Variants in LUZP2 observed in about 807,000 individuals in gnomAD.
LUZP2 encodes the protein leucine zipper protein 2.
LUZP2 carries 52 observed loss-of-function variants against 51.6 expected under a neutral mutation model. That is an observed-to-expected ratio of 1.01 (90% confidence interval 0.81 to 1.27). The LOEUF is 1.27. Ranked by LOEUF, LUZP2 falls within the 50% of genes most tolerant of loss-of-function variation. The pLI, the probability that LUZP2 is intolerant of heterozygous loss-of-function variation, is 0.00. For synonymous variants in LUZP2, 154 were observed against 137.3 expected (o/e 1.12, Z -0.85); for missense variants, 436 against 395.4 (o/e 1.10, Z -0.87).
intron 7 of LUZP2, among the ~76,000 whole-genome samples, chr11:24,951,956 G>A (rs1259901567): frequency 2.0e-5 from 3 of 151,500 alleles, no homozygotes; most frequent in Non-Finnish European, 3.0e-5. Flanking sequence ...ATCACAATTT[G>A]CCTATTGACT....
At chr11:24,574,221 T>A (rs1241183783) in intron 1 of LUZP2, among the ~76,000 whole-genome samples, 1 of 2,660 alleles carries the variant, frequency 3.8e-4, no homozygotes, top group Non-Finnish European at 3.5e-3. Context: ...CCTTTCTTTC[T>A]TTCTTTCTTT....
At chr11:24,627,197 A>C (rs951605743) in intron 1 of LUZP2, among the ~76,000 whole-genome samples, 1 of 152,230 alleles carries the variant, frequency 6.6e-6, no homozygotes, top group African/African-American at 2.4e-5. Flanking sequence ...TGGGAAATAC[A>C]CTTTGGAATT....
intron 5 of LUZP2, among the ~76,000 whole-genome samples, chr11:24,858,441 G>C (rs538875977): frequency 4.2e-4 from 64 of 152,100 alleles, no homozygotes; most frequent in Admixed American, 1.9e-3. Flanking sequence ...GGACACAGTT[G>C]TTCTTCTTTC....
At chr11:24,597,658 T>C (rs139500881) in intron 1 of LUZP2, among the ~76,000 whole-genome samples, 365 of 152,342 alleles carry the variant, frequency 2.4e-3, no homozygotes, top group African/African-American at 8.3e-3. Flanking sequence ...TTAGATCCTA[T>C]GATAAATAAA....
chr11:25,067,550 T>G (rs1395311362), intron 10 of LUZP2, among the ~76,000 whole-genome samples: 1 of 152,000 alleles, frequency 6.6e-6, no homozygotes, highest in Non-Finnish European at 1.5e-5. Context: ...AAGACATTTA[T>G]GTGGCCAAGA....
chr11:24,840,526 A>C (rs2716509), intron 5 of LUZP2, among the ~76,000 whole-genome samples: 140,834 of 151,852 alleles, frequency 0.93, 66,006 homozygotes, highest in East Asian at 1. Context: ...TCAGTCCTGT[A>C]TGACCAAAGA....
intron 1 of LUZP2, among the ~76,000 whole-genome samples, chr11:24,589,538 G>A (rs1300844659): frequency 6.6e-6 from 1 of 152,114 alleles, no homozygotes; most frequent in Non-Finnish European, 1.5e-5. Context: ...TGCTAAGGCA[G>A]ATTCTAGCAG....
chr11:24,562,698 A>G (rs7117881), intron 1 of LUZP2, among the ~76,000 whole-genome samples: 1 of 110,742 alleles, frequency 9.0e-6, no homozygotes, highest in Non-Finnish European at 1.9e-5. Context: ...CTGAAAAAAT[A>G]CAAAAAAAAA....
intron 7 of LUZP2, among the ~76,000 whole-genome samples, chr11:24,943,231 A>G (rs796475870): frequency 2.0e-5 from 3 of 152,260 alleles, no homozygotes; most frequent in African/African-American, 7.2e-5. Flanking sequence ...AAATTTTTCA[A>G]CTTCAGGGTT....
intron 1 of LUZP2, among the ~76,000 whole-genome samples, chr11:24,511,454 TTTCAGC>T (rs1468587061): frequency 1.3e-5 from 2 of 152,144 alleles, no homozygotes; most frequent in Non-Finnish European, 2.9e-5. Flanking sequence ...AGAATCACTA[TTTCAGC>T]TTACAGGGAT....
rs574351992 is a variant in LUZP2 at position 24,545,196 on chromosome 11, A to G, written c.62+47891A>G. The stretch of plus-strand genomic sequence containing the variant: ...TAGATTAGGTCTTTGCCAGATGCAT[A>G]CTTTGCAAATATTTTCTCACATTTT... On this transcript the variant is annotated intron_variant, in intron 1 of 11. Coordinates refer to ENST00000336930, the MANE Select transcript of LUZP2 (RefSeq NM_001009909.4). Among the ~76,000 whole-genome samples the G allele has an allele frequency of 7.4e-5, 11 of 148,728 alleles. No homozygotes were observed. In the South Asian group the frequency reaches 2.3e-3, roughly 32 times the overall value.
intron 3 of LUZP2, among the ~76,000 whole-genome samples, chr11:24,733,374 G>C (rs1014214827): frequency 2.0e-5 from 3 of 151,708 alleles, no homozygotes; most frequent in Admixed American, 6.6e-5. Context: ...AGTATTTGTG[G>C]CTCTGTGAAG....
At chr11:24,991,519 T>G (rs1856343884) in intron 9 of LUZP2, among the ~76,000 whole-genome samples, 2 of 151,490 alleles carry the variant, frequency 1.3e-5, no homozygotes. Context: ...CAAATTGTTC[T>G]TCTATAAATA....
chr11:24,567,524 T>A (rs1852285160), intron 1 of LUZP2, among the ~76,000 whole-genome samples: 1 of 152,126 alleles, frequency 6.6e-6, no homozygotes, highest in Middle Eastern at 3.4e-3. Context: ...CAAAGCCAGA[T>A]ACACCATAGT....
At chr11:24,640,093 T>C (rs1855229532) in intron 1 of LUZP2, among the ~76,000 whole-genome samples, 1 of 151,918 alleles carries the variant, frequency 6.6e-6, no homozygotes, top group African/African-American at 2.4e-5. Flanking sequence ...AAGTTATCTT[T>C]TTGACATCTG....
In LUZP2 at chr11:24,943,135, G is replaced by T. The variant is rs758329517; in HGVS notation, c.522+28597G>T. On this transcript the variant is annotated intron_variant, in intron 7 of 11. Coordinates refer to ENST00000336930, the MANE Select transcript of LUZP2 (RefSeq NM_001009909.4). ...GTAATTCTTTGTTCTTGCAGTTCAG[G>T]ACATTATTTAAGCACTCTGAATATG... is the stretch of plus-strand genomic sequence containing the variant. 9.2e-5 allele frequency among the ~76,000 whole-genome samples: 14 copies of T among 152,156 alleles called. No homozygotes were observed. In the South Asian group the frequency reaches 1.0e-3, roughly 11 times the overall value.
At chr11:24,679,723 G>A (rs778516677) in intron 1 of LUZP2, among the ~76,000 whole-genome samples, 6 of 152,206 alleles carry the variant, frequency 3.9e-5, no homozygotes, top group South Asian at 4.1e-4. Flanking sequence ...AGAAAAGTGC[G>A]AAATATAGGT....
intron 1 of LUZP2, among the ~76,000 whole-genome samples, chr11:24,686,223 CA>C (rs56907734): frequency 1.0e-3 from 153 of 148,340 alleles, no homozygotes; most frequent in Middle Eastern, 3.5e-3. Flanking sequence ...GTGAACTCTG[CA>C]AAAAAAAAAA....
At chr11:24,695,577 C>T (rs992843695) in intron 1 of LUZP2, among the ~76,000 whole-genome samples, 1 of 151,938 alleles carries the variant, frequency 6.6e-6, no homozygotes, top group Non-Finnish European at 1.5e-5. Context: ...GTCTATCTCA[C>T]TGTAATTTTT....
Sources: gnomAD v4.1 joint callset for allele counts (sites outside exome capture counted in the v4.1 genomes callset) on GRCh38, gnomAD v4.1.1 for gene constraint, MANE v1.5 for transcripts, NCBI Gene and HGNC (gene_info 2026-07-23, HGNC 2026-07-21) for gene names.